The following GPR171 variants were observed in gnomAD, a reference collection of about 807,000 sequenced individuals.
GPR171 encodes the protein G protein-coupled receptor 171.
Under a neutral mutation model 16.7 loss-of-function variants are expected in GPR171, and 14 were observed. The observed-to-expected ratio is 0.84, with a 90% CI of 0.55 to 1.31. The LOEUF (loss-of-function observed/expected upper bound fraction) is 1.31, where lower values mean the gene tolerates loss of function less well. GPR171 is among the 40% of genes most tolerant of loss of function. GPR171 has a pLI of 0.00. For synonymous variants in GPR171, 134 were observed against 135.6 expected, an observed-to-expected ratio of 0.99 and a Z score of 0.08; for missense variants, 337 against 378.9, an observed-to-expected ratio of 0.89 and a Z score of 0.92.
In GPR171 at chr3:151,198,282, C is replaced by G; in HGVS notation, c.*145G>C. On this transcript the variant is annotated 3_prime_UTR_variant, in exon 3 of 3. Coordinates refer to ENST00000309180, the MANE Select transcript of GPR171 (RefSeq NM_013308.4). ...TGACTTGCATTTAGAAACAGGATTT[C>G]TAAGTAAACCTGTCCATATTTGCTA... The G allele has an allele frequency of 1.7e-6, 1 of 573,146 alleles. No individual in the cohort carries two copies. The highest frequency in any genetic ancestry group is 2.8e-6 in the Non-Finnish European group (1 of 352,746). 35.5% of individuals were successfully genotyped at this position (573,146 alleles called of 1,614,324 possible). A position where few individuals can be genotyped will look rare whatever the true frequency, so the allele number is the denominator to read the frequency against.
Position 151,198,197 on chromosome 3 carries a change from C to G in GPR171, c.*230G>C. On this transcript the variant is annotated 3_prime_UTR_variant, in exon 3 of 3. Transcript: ENST00000309180. ...GATTTTACATTCGTTCAATGAGACT[C>G]TTTAGTTTTTTGTACAAATATTTGG... The G allele has an allele frequency of 2.6e-6, 1 of 386,258 alleles. No individual in the cohort carries two copies. Among genetic ancestry groups the G allele is most frequent in the Non-Finnish European group, 4.6e-6 (1 of 216,754 alleles). The allele number at this position is 386,258 out of a possible 1,614,324, so 23.9% of individuals were successfully genotyped here. A position where few individuals can be genotyped will look rare whatever the true frequency, so the allele number is the denominator to read the frequency against.
intron 1 of GPR171, among the ~76,000 whole-genome samples, 171 bp downstream of exon 1, chr3:151,202,933 A>G (rs1256595092): frequency 6.6e-6 from 1 of 152,204 alleles, no homozygotes; most frequent in Admixed American, 6.5e-5. Context: ...CATCAGATAT[A>G]AGAAAATTAT....
chr3:151,200,742 A>G (rs1266999488), intron 2 of GPR171, among the ~76,000 whole-genome samples, 167 bp downstream of exon 2: 1 of 152,268 alleles, frequency 6.6e-6, no homozygotes, highest in East Asian at 1.9e-4. Flanking sequence ...GAATAATGTC[A>G]TTCTTTACCA....
Position 151,198,363 on chromosome 3 carries a change from CA to C in GPR171, c.*63del. ...TTTTGTTTTTTTTTTTTTTATCTTT[CA>C]AAGCTATAATTAACTTTATGGTCCA... On this transcript the variant is annotated 3_prime_UTR_variant, in exon 3 of 3. Transcript: ENST00000309180. 2 of 778,020 alleles carry C rather than the reference CA, an allele frequency of 2.6e-6. No homozygotes were observed. Among genetic ancestry groups the C allele is most frequent in the Non-Finnish European group, 3.5e-6 (2 of 566,908 alleles). 48.2% of individuals were successfully genotyped at this position (778,020 alleles called of 1,614,324 possible). A position where few individuals can be genotyped will look rare whatever the true frequency, so the allele number is the denominator to read the frequency against.
rs868478645 is a variant in GPR171 at position 151,198,472 on chromosome 3, C to T, written c.915G>A (p.Glu305=). 6.2e-7 allele frequency: 1 copy of T among 1,611,462 alleles called. No homozygotes were observed. The highest frequency in any genetic ancestry group is 1.7e-4 in the Middle Eastern group (1 of 6,042). The change falls in exon 3 of 3, where the codon GAG becomes GAA. Residue 305 remains glutamate, a synonymous_variant. Transcript: ENST00000309180. ...KVTETFASPK[E]TKAQKEKLRC... ...TTAATTTTTCTTTCTGAGCCTTGGT[C>T]TCTTTAGGTGAGGCAAAAGTCTCAG...
intron 2 of GPR171, among the ~76,000 whole-genome samples, chr3:151,199,903 CAG>C (rs1725282362): frequency 6.6e-6 from 1 of 151,748 alleles, no homozygotes; most frequent in Non-Finnish European, 1.5e-5. Context: ...CCCAGGCTGA[CAG>C]GGGAAGTAAG....
At chr3:151,201,442 G>A (rs1025039231) in intron 1 of GPR171, among the ~76,000 whole-genome samples, 4 of 152,086 alleles carry the variant, frequency 2.6e-5, no homozygotes, top group East Asian at 3.8e-4. Flanking sequence ...AGAAATTTTG[G>A]AGTCATAGGA....
rs778590238 is a variant in GPR171, at chr3:151,198,612, T to C, written c.775A>G (p.Thr259Ala). ...SQTEVITDCS[T>A]RISLFKAKEA... ...TTGGCTTTGAAGAGTGAAATCCTGG[T>C]TGAGCAATCAGTTATGACTTCTGTC... is the stretch of plus-strand genomic sequence containing the variant. Residue 259 changes from threonine (T) to alanine (A), a missense_variant, in exon 3 of 3, where the codon ACC becomes GCC. By Grantham distance (58) the Thr-to-Ala change is moderately conservative. Transcript: ENST00000309180. The C allele has an allele frequency of 3.6e-5, 58 of 1,613,908 alleles. 1 individual carries two copies. In the South Asian group the frequency reaches 5.6e-4, roughly 16 times the overall value.
intron 2 of GPR171, among the ~76,000 whole-genome samples, chr3:151,200,143 G>T (rs1245964520): frequency 2.8e-5 from 4 of 145,248 alleles, no homozygotes; most frequent in African/African-American, 7.5e-5. Context: ...GCAGTTAAAA[G>T]CCCAGAAGCA....
In GPR171 at chr3:151,198,728, T is replaced by C. The variant is rs766653344; in HGVS notation, c.659A>G (p.Lys220Arg). Reference sequence around the variant, plus strand: ...CACTAAAAGTATGTTGATGAGAGCCTTTTTCACATTTGGGTAATTTTCATT... The same window carrying C: ...CACTAAAAGTATGTTGATGAGAGCCCTTTTCACATTTGGGTAATTTTCATT... ...KDNENYPNVK[K>R]ALINILLVTT... Residue 220 changes from lysine (K) to arginine (R), a missense_variant, in exon 3 of 3, where the codon AAG becomes AGG. Coordinates refer to ENST00000309180, the MANE Select transcript of GPR171 (RefSeq NM_013308.4). 1 of 1,611,574 alleles carries C rather than the reference T, an allele frequency of 6.2e-7. No individual in the cohort carries two copies. Among genetic ancestry groups the C allele is most frequent in the Non-Finnish European group, 8.5e-7 (1 of 1,177,644 alleles).
At chr3:151,199,749 A>G (rs1458391394) in intron 2 of GPR171, among the ~76,000 whole-genome samples, 1 of 152,114 alleles carries the variant, frequency 6.6e-6, no homozygotes, top group African/African-American at 2.4e-5. Flanking sequence ...CAGAGGAGAT[A>G]AGTGAACCGA....
At chr3:151,201,883 A>G (rs1384118744) in intron 1 of GPR171, among the ~76,000 whole-genome samples, 2 of 152,054 alleles carry the variant, frequency 1.3e-5, no homozygotes, top group East Asian at 3.9e-4. Context: ...TTACATAATA[A>G]TGGTAACATA....
In GPR171 at chr3:151,199,437, A is replaced by G; in HGVS notation, c.-51T>C. The G allele has an allele frequency of 6.7e-7, 1 of 1,493,412 alleles. No individual in the cohort carries two copies. The highest frequency in any genetic ancestry group is 9.0e-7 in the Non-Finnish European group (1 of 1,113,208). 92.5% of individuals were successfully genotyped at this position (1,493,412 alleles called of 1,614,324 possible). A position where few individuals can be genotyped will look rare whatever the true frequency, so the allele number is the denominator to read the frequency against. Reference sequence around the variant, plus strand: ...TTATTGAAAAGAAAAAATTTCTAAGACTCTGTAAAAGAAACAAGGAAAGGG... The same window carrying G: ...TTATTGAAAAGAAAAAATTTCTAAGGCTCTGTAAAAGAAACAAGGAAAGGG... On this transcript the variant is annotated splice_region_variant and 5_prime_UTR_variant, in exon 3 of 3. Transcript: ENST00000309180.
intron 1 of GPR171, among the ~76,000 whole-genome samples, chr3:151,201,787 G>A (rs1250140107): frequency 3.3e-5 from 5 of 152,152 alleles, no homozygotes; most frequent in African/African-American, 1.2e-4. Context: ...ACTAGTATTC[G>A]TGTGCATTGA....
chr3:151,200,333 T>C (rs1279386609), intron 2 of GPR171, among the ~76,000 whole-genome samples: 3 of 152,236 alleles, frequency 2.0e-5, no homozygotes, highest in African/African-American at 7.2e-5. Flanking sequence ...TTAGTAATCT[T>C]TCTGGTGCTG....
At chr3:151,202,892 A>T (rs1725830282) in intron 1 of GPR171, among the ~76,000 whole-genome samples, 1 of 152,210 alleles carries the variant, frequency 6.6e-6, no homozygotes, top group South Asian at 2.1e-4. Context: ...GGTGTCAATT[A>T]TCCTGTCTTT....
chr3:151,201,764 CTTT>C (rs2149155861), intron 1 of GPR171, among the ~76,000 whole-genome samples: 1 of 152,300 alleles, frequency 6.6e-6, no homozygotes, highest in Admixed American at 6.5e-5. Flanking sequence ...TACTTTTCTT[CTTT>C]ATGTGAAAAA....
In GPR171 at chr3:151,197,970, A is replaced by G. The variant is rs1724905527; in HGVS notation, c.*457T>C. The G allele has an allele frequency of 6.5e-6, 1 of 152,794 alleles. No individual in the cohort carries two copies. The highest frequency in any genetic ancestry group is 6.5e-5 in the Admixed American group (1 of 15,282). 9.5% of individuals were successfully genotyped at this position (152,794 alleles called of 1,614,324 possible). A position where few individuals can be genotyped will look rare whatever the true frequency, so the allele number is the denominator to read the frequency against. Reference sequence around the variant, plus strand: ...ATAGATTAGAAATAAAATAGGCACAAGTTGTTATATGTAAGCTGCATTTTT... The same window carrying G: ...ATAGATTAGAAATAAAATAGGCACAGGTTGTTATATGTAAGCTGCATTTTT... On this transcript the variant is annotated 3_prime_UTR_variant, in exon 3 of 3. Transcript: ENST00000309180.
In GPR171 at chr3:151,198,328, C is replaced by T. The variant is rs1465525237; in HGVS notation, c.*99G>A. The T allele has an allele frequency of 3.2e-6, 3 of 943,266 alleles. No individual in the cohort carries two copies. The highest frequency in any genetic ancestry group is 4.5e-6 in the Non-Finnish European group (3 of 664,472). 58.4% of individuals were successfully genotyped at this position (943,266 alleles called of 1,614,324 possible). A position where few individuals can be genotyped will look rare whatever the true frequency, so the allele number is the denominator to read the frequency against. On this transcript the variant is annotated 3_prime_UTR_variant, in exon 3 of 3. Transcript: ENST00000309180. ...TGCTAGCTAACTGTATTTTTTCATA[C>T]TGAGTTTTTTTTTGTTTTTTTTTTT...
Sources: gnomAD v4.1 joint callset for allele counts (sites outside exome capture counted in the v4.1 genomes callset) on GRCh38, gnomAD v4.1.1 for gene constraint, MANE v1.5 for transcripts, NCBI Gene and HGNC (gene_info 2026-07-23, HGNC 2026-07-21) for gene names.